Variants in SMARCA4 observed in about 807,000 individuals in gnomAD.
The protein encoded by SMARCA4 is SWI/SNF-related matrix-associated actin-dependent regulator of chromatin subfamily A member 4.
A neutral mutation model predicts 193.9 loss-of-function variants in SMARCA4; 31 were observed. The ratio of observed to expected loss-of-function variants is 0.16; its 90% CI spans 0.12 to 0.22. The LOEUF (loss-of-function observed/expected upper bound fraction) is 0.22, where lower values mean the gene tolerates loss of function less well. Among genes scored for constraint, SMARCA4 ranks in the 10% least tolerant of loss-of-function variants. The pLI is 1.00. For missense variants in SMARCA4, 1,148 were observed against 2,296.0 expected (o/e 0.50, Z 10.22); for synonymous variants, 942 against 933.1 (o/e 1.01, Z -0.17).
In SMARCA4 at chr19:10,986,195, C is replaced by T. The variant is rs2086015204; in HGVS notation, c.362C>T (p.Pro121Leu). Residue 121 changes from proline to leucine, a missense_variant, in exon 4 of 35, where the codon CCC (proline) becomes CTC (leucine). By Grantham distance (98) the Pro-to-Leu change is moderately conservative. Coordinates refer to ENST00000344626, the MANE Select transcript of SMARCA4 (RefSeq NM_003072.5). This position sits in a 1 kb window ranked among gnomAD's most constrained non-coding sequence, Gnocchi z 6.7. Reference sequence around the variant, plus strand: ...GGCTGACCTTTCTCTGCAGGTTACCCCTCGCCCCTGGGTGGCTCTGAGCAT... The same window carrying T: ...GGCTGACCTTTCTCTGCAGGTTACCTCTCGCCCCTGGGTGGCTCTGAGCAT... ...SPMDQHSQGY[P>L]SPLGGSEHAS... 1 of 1,613,790 alleles carries T rather than the reference C, an allele frequency of 6.2e-7. No homozygotes were observed. The highest frequency in any genetic ancestry group is 1.1e-5 in the South Asian group (1 of 91,084).
chr19:10,974,683 ATATATATTTTTTTTTTTTTTTTT>A (rs1378372779), intron 1 of SMARCA4, among the ~76,000 whole-genome samples: 28 of 45,408 alleles, frequency 6.2e-4, no homozygotes, highest in African/African-American at 2.4e-3. Context: ...ATATATATAT[ATATATATTTTTTTTTTTTTTTTT>A]TTTTTTTTTT....
At chr19:10,992,984 CT>C (rs758452838) in intron 8 of SMARCA4, among the ~76,000 whole-genome samples, 3,543 of 109,212 alleles carry the variant, frequency 0.032, 12 homozygotes, top group South Asian at 0.045. Flanking sequence ...TAAAACTTTG[CT>C]TTTTTTTTTT....
intron 29 of SMARCA4, among the ~76,000 whole-genome samples, chr19:11,035,886 G>A (rs916710585): frequency 6.6e-6 from 1 of 152,226 alleles, no homozygotes; most frequent in African/African-American, 2.4e-5. Context: ...CTGAGTTATA[G>A]AGACGATGAT....
intron 30 of SMARCA4, among the ~76,000 whole-genome samples, chr19:11,049,157 A>G (rs1001841521): frequency 2.6e-5 from 4 of 152,118 alleles, no homozygotes; most frequent in Non-Finnish European, 5.9e-5. Flanking sequence ...GAGAGGGACA[A>G]GTGTCCCAGG....
chr19:11,053,924 A>G (rs1328757578), intron 30 of SMARCA4, among the ~76,000 whole-genome samples: 1 of 152,168 alleles, frequency 6.6e-6, no homozygotes, highest in Non-Finnish European at 1.5e-5. Context: ...AAAGAGAGAA[A>G]AGAAACAGAC....
At chr19:11,008,816 A>G (rs1045028674) in intron 14 of SMARCA4, among the ~76,000 whole-genome samples, 1 of 151,864 alleles carries the variant, frequency 6.6e-6, no homozygotes. Context: ...TCTACTAAAA[A>G]TACAAAAATT....
intron 22 of SMARCA4, among the ~76,000 whole-genome samples, chr19:11,026,089 T>TC (rs1249711016): frequency 6.6e-6 from 1 of 152,212 alleles, no homozygotes; most frequent in African/African-American, 2.4e-5. Flanking sequence ...GGATGTCCTT[T>TC]CCTTCGTTGG....
chr19:11,033,465 A>G lies in SMARCA4; in HGVS notation c.3722A>G (p.His1241Arg). 6.2e-7 allele frequency: 1 copy of G among 1,613,364 alleles called. No homozygotes were observed. Among genetic ancestry groups the G allele is most frequent in the Non-Finnish European group, 8.5e-7 (1 of 1,179,986 alleles). The stretch of plus-strand genomic sequence containing the variant: ...ATGTTCGACCAGAAGTCCTCCAGCC[A>G]TGAGCGGCGCGCCTTCCTGCAGGCC... Reference protein sequence around the residue: ...AGMFDQKSSSHERRAFLQAIL... With the variant: ...AGMFDQKSSSRERRAFLQAIL... The change falls in exon 26 of 35, where the codon CAT becomes CGT. Residue 1241 changes from histidine (H) to arginine (R), a missense_variant. His to Arg is a conservative substitution (Grantham distance 29). Around this residue, in one of 17 missense-constraint regions of SMARCA4, gnomAD observed 13 missense variants for 80.9 expected, o/e 0.16. Transcript: ENST00000344626. The surrounding 1 kb of genome is among the most constrained non-coding windows in gnomAD (Gnocchi z 9.8).
At chr19:10,996,843 A>G (rs1389702462) in intron 11 of SMARCA4, among the ~76,000 whole-genome samples, 1 of 152,080 alleles carries the variant, frequency 6.6e-6, no homozygotes, top group South Asian at 2.1e-4. Context: ...TGTGTTCTTC[A>G]CCCAGAGTCT....
Position 10,987,531 on chromosome 19 carries a change from C to T in SMARCA4, c.860-135C>T. 1 of 986,324 alleles carries T rather than the reference C, an allele frequency of 1.0e-6. No individual in the cohort carries two copies. Among genetic ancestry groups the T allele is most frequent in the Non-Finnish European group, 1.6e-6 (1 of 636,756 alleles). 61.1% of individuals were successfully genotyped at this position (986,324 alleles called of 1,614,324 possible). ...GAGCCCAAGGCAGGTGTGAAGGACA[C>T]CCCTGGGTGAAAGGTGGGAGATGGG... On this transcript the variant is annotated intron_variant, in intron 5 of 34. Transcript: ENST00000344626. The surrounding 1 kb of genome is among the most constrained non-coding windows in gnomAD (Gnocchi z 5.3).
intron 21 of SMARCA4, 108 bp from the exon 22 acceptor site, chr19:11,025,314 C>T (rs1004552895): frequency 1.3e-5 from 10 of 759,436 alleles, no homozygotes; most frequent in South Asian, 1.3e-4. Context: ...CCACTCTTCC[C>T]CACTAGAGCG....
chr19:10,996,162 C>A (rs2145966242), intron 9 of SMARCA4, 51 bp from the exon 10 acceptor site: 1 of 1,598,200 alleles, frequency 6.3e-7, no homozygotes, highest in Non-Finnish European at 8.6e-7. Context: ...TGGGTGCTCA[C>A]AGACATGCAC....
rs372102929 is a variant in SMARCA4, at chr19:10,984,178, C to T, written c.27C>T (p.Gly9=). The T allele has an allele frequency of 8.1e-6, 13 of 1,613,340 alleles. No homozygotes were observed. The highest frequency in any genetic ancestry group is 1.1e-5 in the Non-Finnish European group (13 of 1,179,776). Residue 9 remains glycine, a synonymous_variant, in exon 2 of 35, where the codon GGC becomes GGT. Transcript: ENST00000344626. The surrounding 1 kb of genome is among the most constrained non-coding windows in gnomAD (Gnocchi z 4.3). The stretch of plus-strand genomic sequence containing the variant: ...TGTCCACTCCAGACCCACCCCTGGG[C>T]GGAACTCCTCGGCCAGGTCCTTCCC... MSTPDPPL[G]GTPRPGPSPG...
chr19:11,035,650 C>A (rs539140693), intron 29 of SMARCA4, among the ~76,000 whole-genome samples: 3 of 152,222 alleles, frequency 2.0e-5, no homozygotes, highest in Non-Finnish European at 4.4e-5. Flanking sequence ...AGGTGCTGCA[C>A]GGGGCTGGCA....
At position 10,995,995 on chromosome 19, in the gene SMARCA4, G is replaced by C. The variant is rs2087002488; in HGVS notation, c.1594-218G>C. 3 of 633,906 alleles carry C rather than the reference G, an allele frequency of 4.7e-6. No individual in the cohort carries two copies. In the East Asian group the frequency reaches 8.7e-5, roughly 18 times the overall value. 39.3% of individuals were successfully genotyped at this position (633,906 alleles called of 1,614,324 possible). On this transcript the variant is annotated intron_variant, in intron 9 of 34. Coordinates refer to ENST00000344626, the MANE Select transcript of SMARCA4 (RefSeq NM_003072.5). Reference sequence around the variant, plus strand: ...TGGCCTCTGTAAATGGCTGCTGGCGGGACTGTCTGCCTAGCGGGTGCCCTT... The same window carrying C: ...TGGCCTCTGTAAATGGCTGCTGGCGCGACTGTCTGCCTAGCGGGTGCCCTT...
At chr19:11,011,919 C>T (rs1366996852) in intron 15 of SMARCA4, 1 of 152,172 alleles carries the variant, frequency 6.6e-6, no homozygotes, top group African/African-American at 2.4e-5. Context: ...TGGAGCAGGT[C>T]AAAACTGATG....
rs1359265574 is a variant in SMARCA4 at position 11,030,903 on chromosome 19, G to A, written c.3546+10G>A. On this transcript the variant is annotated intron_variant, in intron 25 of 34. Coordinates refer to ENST00000344626, the MANE Select transcript of SMARCA4 (RefSeq NM_003072.5). This position sits in a 1 kb window ranked among gnomAD's most constrained non-coding sequence, Gnocchi z 5.5. ...CTGGAATCCTCACCAGGTAAAAGCG[G>A]GCCGGGCCCCAGGTCGAGGAGAAGG... 1.2e-6 allele frequency: 2 copies of A among 1,608,700 alleles called. No homozygotes were observed. The highest frequency in any genetic ancestry group is 2.2e-5 in the East Asian group (1 of 44,778).
chr19:10,973,489 C>G (rs1171078136), intron 1 of SMARCA4, among the ~76,000 whole-genome samples: 1 of 152,010 alleles, frequency 6.6e-6, no homozygotes, highest in Non-Finnish European at 1.5e-5. Context: ...CAAGCTCCGC[C>G]TACCAGGTTT....
rs779882147 is a variant in SMARCA4 at position 11,019,037 on chromosome 19, A to G, written c.2505+14A>G. The G allele has an allele frequency of 1.2e-6, 2 of 1,609,396 alleles. No homozygotes were observed. Among genetic ancestry groups the G allele is most frequent in the Admixed American group, 3.3e-5 (2 of 60,020 alleles). Reference sequence around the variant, plus strand: ...GTGTCTTACAAGGTAGGTCACAGCCACTGAGGTTTCCTCTCTTGCTACGGA... The same window carrying G: ...GTGTCTTACAAGGTAGGTCACAGCCGCTGAGGTTTCCTCTCTTGCTACGGA... On this transcript the variant is annotated intron_variant, in intron 17 of 34. Coordinates refer to ENST00000344626, the MANE Select transcript of SMARCA4 (RefSeq NM_003072.5). The surrounding 1 kb of genome is among the most constrained non-coding windows in gnomAD (Gnocchi z 6.1).
Sources: gnomAD v4.1 joint callset for allele counts (sites outside exome capture counted in the v4.1 genomes callset) on GRCh38, gnomAD v4.1.1 for gene constraint, gnomAD v4.1.1 regional missense constraint, Gnocchi (gnomAD v3.1) non-coding constraint, MANE v1.5 for transcripts, NCBI Gene and HGNC (gene_info 2026-07-23, HGNC 2026-07-21) for gene names.